ADAMTSL1: variants seen among roughly 807,000 people sequenced by gnomAD.
ADAMTSL1 encodes the protein ADAMTS-like protein 1.
In ADAMTSL1, 126 loss-of-function variants were observed where a neutral mutation model predicts 201.8. The ratio of observed to expected loss-of-function variants is 0.62; its 90% CI spans 0.54 to 0.72. The LOEUF is 0.72. Ranked by LOEUF, ADAMTSL1 falls within the 30% of genes least tolerant of loss-of-function variation. ADAMTSL1 has a pLI of 0.00. For missense variants in ADAMTSL1, 2,679 were observed against 2,277.8 expected (o/e 1.18, Z -3.59); for synonymous variants, 1,121 against 903.4 (o/e 1.24, Z -4.32).
At chr9:18,173,668 G>A (rs1828005833) in intron 2 of ADAMTSL1, among the ~76,000 whole-genome samples, 2 of 152,182 alleles carry the variant, frequency 1.3e-5, no homozygotes, top group South Asian at 4.1e-4. Flanking sequence ...AAAATGTGAA[G>A]CATTAAAAGC....
At chr9:18,509,275 C>T (rs1208005925) in intron 2 of ADAMTSL1, among the ~76,000 whole-genome samples, 2 of 137,268 alleles carry the variant, frequency 1.5e-5, no homozygotes, top group Non-Finnish European at 3.1e-5. Flanking sequence ...TTTAAGACTT[C>T]GAATCAGTTT....
At chr9:18,723,237 C>T (rs1817656029) in intron 15 of ADAMTSL1, 3 of 637,290 alleles carry the variant, frequency 4.7e-6, no homozygotes, top group South Asian at 3.7e-5. Flanking sequence ...TAGGCAGAAG[C>T]ATTAAACAGC....
At chr9:17,952,627 C>T (rs918563131) in intron 1 of ADAMTSL1, among the ~76,000 whole-genome samples, 1 of 152,012 alleles carries the variant, frequency 6.6e-6, no homozygotes, top group African/African-American at 2.4e-5. Context: ...GAGTCTTGCT[C>T]TGTTGCCCAG....
chr9:18,226,374 C>G (rs1284537625), intron 2 of ADAMTSL1, among the ~76,000 whole-genome samples: 1 of 152,104 alleles, frequency 6.6e-6, no homozygotes, highest in African/African-American at 2.4e-5. Flanking sequence ...TACTTTCTGA[C>G]CTTCCCTTTT....
chr9:17,961,855 C>A (rs1439565586), intron 1 of ADAMTSL1, among the ~76,000 whole-genome samples: 1 of 152,060 alleles, frequency 6.6e-6, no homozygotes, highest in Non-Finnish European at 1.5e-5. Context: ...AGCTCTAGCA[C>A]CTCCTGAGAA....
At chr9:18,770,339 G>C (rs1370975497) in intron 16 of ADAMTSL1, among the ~76,000 whole-genome samples, 2 of 152,112 alleles carry the variant, frequency 1.3e-5, no homozygotes, top group African/African-American at 2.4e-5. Flanking sequence ...TAGTTCAGGA[G>C]CAACTTTCTA....
Position 18,770,691 on chromosome 9 carries a change from G to C in ADAMTSL1, c.2307G>C (p.Glu769Asp), listed in dbSNP as rs542451107. The change falls in exon 17 of 29, where the codon GAG becomes GAC. Residue 769 changes from glutamate (E) to aspartate (D), a missense_variant. By Grantham distance (45) the Glu-to-Asp change is conservative (BLOSUM62 2). Coordinates refer to ENST00000380548, the MANE Select transcript of ADAMTSL1 (RefSeq NM_001040272.6). ...MADGSFLELP[E>D]TFCSASKPAC... ...ATGGCAGCTTCCTGGAGCTTCCTGA[G>C]ACCTTCTGTTCAGCTTCAAAACCTG... is the stretch of plus-strand genomic sequence containing the variant. The C allele has an allele frequency of 8.7e-6, 14 of 1,613,806 alleles. No homozygotes were observed. The African/African-American group carries it at 1.5e-4, about 17-fold the overall frequency.
upstream of ADAMTSL1, among the ~76,000 whole-genome samples, chr9:18,472,423 A>G (rs1247752214): frequency 6.6e-6 from 1 of 152,210 alleles, no homozygotes; most frequent in Non-Finnish European, 1.5e-5. Context: ...TCTCTTTGTT[A>G]TGGATTTGTA....
At chr9:18,318,460 C>A (rs1202562100) in intron 2 of ADAMTSL1, among the ~76,000 whole-genome samples, 1 of 152,192 alleles carries the variant, frequency 6.6e-6, no homozygotes, top group African/African-American at 2.4e-5. Flanking sequence ...CAGTAATCTA[C>A]GTTTCAGCAA....
At chr9:18,517,978 A>G (rs1300891386) in intron 2 of ADAMTSL1, among the ~76,000 whole-genome samples, 2 of 151,726 alleles carry the variant, frequency 1.3e-5, no homozygotes, top group Non-Finnish European at 2.9e-5. Flanking sequence ...TCCTTTGGCC[A>G]TTTGTTCTTT....
At chr9:18,499,368 C>T (rs1178519897) in intron 1 of ADAMTSL1, among the ~76,000 whole-genome samples, 2 of 152,228 alleles carry the variant, frequency 1.3e-5, no homozygotes, top group African/African-American at 4.8e-5. Context: ...GGAATCACAA[C>T]CCCTACCACA....
At chr9:18,587,331 G>A (rs1823572779) in intron 4 of ADAMTSL1, among the ~76,000 whole-genome samples, 1 of 152,092 alleles carries the variant, frequency 6.6e-6, no homozygotes, top group Non-Finnish European at 1.5e-5. Context: ...TGACATACAT[G>A]CAGCCAACAA....
intron 1 of ADAMTSL1, among the ~76,000 whole-genome samples, chr9:18,103,469 G>A (rs938512009): frequency 6.6e-6 from 1 of 151,990 alleles, no homozygotes; most frequent in African/African-American, 2.4e-5. Context: ...AGATAATAAA[G>A]CCCACTTTTT....
chr9:18,296,454 G>A (rs1833480955), intron 2 of ADAMTSL1, among the ~76,000 whole-genome samples: 1 of 151,978 alleles, frequency 6.6e-6, no homozygotes, highest in African/African-American at 2.4e-5. Context: ...TAACTTAGAG[G>A]TTAATTGTCA....
At chr9:18,248,027 T>A (rs991206816) in intron 2 of ADAMTSL1, among the ~76,000 whole-genome samples, 3 of 152,172 alleles carry the variant, frequency 2.0e-5, no homozygotes, top group Non-Finnish European at 4.4e-5. Context: ...TATCTGTGGT[T>A]CATTCAAAAG....
intron 16 of ADAMTSL1, among the ~76,000 whole-genome samples, chr9:18,768,518 T>C (rs893359530): frequency 6.8e-6 from 1 of 146,198 alleles, no homozygotes. Flanking sequence ...TCATTTCACA[T>C]TTTTTGTTAG....
chr9:18,005,046 G>A (rs185562547), intron 1 of ADAMTSL1, among the ~76,000 whole-genome samples: 15 of 152,236 alleles, frequency 9.9e-5, no homozygotes, highest in Non-Finnish European at 2.1e-4. Flanking sequence ...TCACAGATGA[G>A]TAAGTAGGTG....
At chr9:18,828,152 A>G (rs369813128) in intron 22 of ADAMTSL1, among the ~76,000 whole-genome samples, 5 of 152,166 alleles carry the variant, frequency 3.3e-5, no homozygotes, top group Non-Finnish European at 5.9e-5. Flanking sequence ...TGTTGCTGAC[A>G]TTAAGTTCCA....
intron 1 of ADAMTSL1, among the ~76,000 whole-genome samples, chr9:18,147,660 T>C (rs994235852): frequency 2.0e-5 from 3 of 152,122 alleles, no homozygotes; most frequent in African/African-American, 7.2e-5. Context: ...GCACACAGAA[T>C]GGAGGCTCAA....
Sources: allele counts gnomAD v4.1 joint callset (sites outside exome capture counted in the v4.1 genomes callset), GRCh38; gene constraint gnomAD v4.1.1; transcripts MANE v1.5; gene names NCBI Gene and HGNC (gene_info 2026-07-23, HGNC 2026-07-21).